The following FAM91A1 variants were observed in gnomAD, a reference collection of about 807,000 sequenced individuals.
FAM91A1 encodes family with sequence similarity 91 member A1, also known as protein FAM91A1.
Under a neutral mutation model 113.5 loss-of-function variants are expected in FAM91A1, and 41 were observed. That is an observed-to-expected ratio of 0.36 (90% CI 0.28 to 0.47). The LOEUF (loss-of-function observed/expected upper bound fraction) is 0.47, where lower values mean the gene tolerates loss of function less well. Ranked by LOEUF, FAM91A1 falls within the 20% of genes least tolerant of loss-of-function variation. FAM91A1 has a pLI of 1.00. For missense variants in FAM91A1, 696 were observed against 1,001.2 expected, an observed-to-expected ratio of 0.70 and a Z score of 4.11; for synonymous variants, 307 against 347.9, an observed-to-expected ratio of 0.88 and a Z score of 1.31.
At chr8:123,785,413 G>C (rs1815227974) in intron 10 of FAM91A1, among the ~76,000 whole-genome samples, 1 of 152,216 alleles carries the variant, frequency 6.6e-6, no homozygotes, top group Non-Finnish European at 1.5e-5. Flanking sequence ...ATTAGGGGTA[G>C]ATGTAGGGAG....
intron 15 of FAM91A1, among the ~76,000 whole-genome samples, chr8:123,790,076 T>C (rs796941049): frequency 5.3e-5 from 8 of 152,298 alleles, no homozygotes; most frequent in African/African-American, 1.9e-4. Context: ...TTTTAGTTAA[T>C]GTAGGAAGCA....
In FAM91A1 at chr8:123,797,672, G is replaced by A. The variant is rs545704275; in HGVS notation, c.1412-418G>A. 2.6e-5 allele frequency among the ~76,000 whole-genome samples: 4 copies of A among 152,200 alleles called. No individual in the cohort carries two copies. The East Asian group carries it at 5.8e-4, about 22-fold the overall frequency. ...CTGTTCGTATTATTGGTAAGGCTTC[G>A]AGTCAGCAGTAGGCTATTAGTAGTT... On this transcript the variant is annotated intron_variant, in intron 15 of 23. Coordinates refer to ENST00000334705, the MANE Select transcript of FAM91A1 (RefSeq NM_144963.4).
chr8:123,788,097 C>A, intron 14 of FAM91A1: 1 of 737,166 alleles, frequency 1.4e-6, no homozygotes, highest in Non-Finnish European at 1.7e-6. Context: ...TCTCTAAGAT[C>A]ACCTCTTAAG....
intron 15 of FAM91A1, among the ~76,000 whole-genome samples, chr8:123,795,321 A>G (rs1384375043): frequency 6.6e-6 from 1 of 151,914 alleles, no homozygotes; most frequent in Admixed American, 6.6e-5. Flanking sequence ...TGTAATCTCC[A>G]ATGTTGGAGG....
At chr8:123,807,480 C>CAAA (rs546080328) in intron 20 of FAM91A1, among the ~76,000 whole-genome samples, 415 of 55,652 alleles carry the variant, frequency 7.5e-3, no homozygotes, top group Middle Eastern at 0.014. Context: ...CCTGTCTCTA[C>CAAA]AAAAAAAAAA....
intron 15 of FAM91A1, among the ~76,000 whole-genome samples, chr8:123,792,138 G>C (rs1451231638): frequency 6.6e-6 from 1 of 151,442 alleles, no homozygotes; most frequent in Admixed American, 6.6e-5. Context: ...TGACACCACT[G>C]CACTCCAGCC....
intron 3 of FAM91A1, among the ~76,000 whole-genome samples, chr8:123,775,869 G>C (rs968661405): frequency 1.3e-5 from 2 of 152,130 alleles, no homozygotes; most frequent in East Asian, 1.9e-4. Context: ...GGAGGCTGAG[G>C]GGGGAGAATC....
intron 23 of FAM91A1, chr8:123,810,558 T>C: frequency 1.6e-6 from 1 of 641,076 alleles, no homozygotes; most frequent in Non-Finnish European, 2.8e-6. Context: ...TTGATCTCTT[T>C]GTTCTGTGCC....
chr8:123,798,239 G>A lies in FAM91A1; in HGVS notation c.1560+1G>A. On this transcript the variant is annotated splice_donor_variant, in intron 16 of 23. Coordinates refer to ENST00000334705, the MANE Select transcript of FAM91A1 (RefSeq NM_144963.4). LOFTEE classifies it high-confidence loss of function. The stretch of plus-strand genomic sequence containing the variant: ...GCCTGTCAGCAGCTGCACCCCTCAG[G>A]TAAAGACCTACTTGGAAGATCCACT... The A allele has an allele frequency of 3.7e-6, 6 of 1,613,402 alleles. No individual in the cohort carries two copies. The highest frequency in any genetic ancestry group is 5.1e-6 in the Non-Finnish European group (6 of 1,179,718).
rs934068564 is a variant in FAM91A1, at chr8:123,778,539, A to T, written c.436-120A>T. ...TATCTAGAATTGTTAAGATTTTAAAACATGAAGATTTTAAGAAGATATTTA... is the reference window on the plus strand; with the variant it reads ...TATCTAGAATTGTTAAGATTTTAAATCATGAAGATTTTAAGAAGATATTTA... On this transcript the variant is annotated intron_variant, in intron 5 of 23. Transcript: ENST00000334705. The T allele has an allele frequency of 6.1e-6, 4 of 659,748 alleles. No homozygotes were observed. In the East Asian group the frequency reaches 1.2e-4, roughly 20 times the overall value. The allele number at this position is 659,748 out of a possible 1,614,324, so 40.9% of individuals were successfully genotyped here.
chr8:123,778,799 G>T (rs1815049908), intron 6 of FAM91A1, 27 bp downstream of exon 6: 4 of 1,341,954 alleles, frequency 3.0e-6, no homozygotes, highest in Admixed American at 5.5e-5. Context: ...GTTAAACATA[G>T]AATTTTTATT....
intron 1 of FAM91A1, among the ~76,000 whole-genome samples, chr8:123,769,233 A>G (rs1391387641): frequency 6.6e-6 from 1 of 152,246 alleles, no homozygotes; most frequent in Non-Finnish European, 1.5e-5. Context: ...TAAGGCAGGC[A>G]CTTAAATTGG....
At chr8:123,772,563 G>A (rs772395328) in intron 1 of FAM91A1, among the ~76,000 whole-genome samples, 3 of 152,166 alleles carry the variant, frequency 2.0e-5, no homozygotes, top group African/African-American at 4.8e-5. Flanking sequence ...TGGTTCTACC[G>A]TGGGTTCTGG....
chr8:123,805,825 T>C (rs1815789416), intron 19 of FAM91A1, among the ~76,000 whole-genome samples: 1 of 152,218 alleles, frequency 6.6e-6, no homozygotes, highest in African/African-American at 2.4e-5. Flanking sequence ...ATATAGAGCA[T>C]TTTTCTCTTT....
At chr8:123,790,144 G>C (rs1456604845) in intron 15 of FAM91A1, among the ~76,000 whole-genome samples, 1 of 152,164 alleles carries the variant, frequency 6.6e-6, no homozygotes. Flanking sequence ...GGAGCCTTCT[G>C]TTCAAATGCT....
rs939331793 is a variant in FAM91A1, at chr8:123,809,648, C to T, written c.2261+632C>T. Among the ~76,000 whole-genome samples, 11 of 152,166 alleles carry T rather than the reference C, an allele frequency of 7.2e-5. No individual in the cohort carries two copies. The East Asian group carries it at 2.1e-3, about 29-fold the overall frequency. On this transcript the variant is annotated intron_variant, in intron 22 of 23. Coordinates refer to ENST00000334705, the MANE Select transcript of FAM91A1 (RefSeq NM_144963.4). ...ATAGGTGGCTTGGAGAGGTGAAATC[C>T]ACAAGTCAAGATCTTCTTATTTTAG... is the stretch of plus-strand genomic sequence containing the variant.
chr8:123,780,427 A>G (rs1815090545), intron 7 of FAM91A1, 53 bp from the exon 8 acceptor site: 7 of 1,379,014 alleles, frequency 5.1e-6, no homozygotes, highest in Admixed American at 2.1e-5. Flanking sequence ...TTTTTTAAAA[A>G]AATCACTGTT....
chr8:123,779,441 C>T (rs1167654028), intron 6 of FAM91A1, among the ~76,000 whole-genome samples: 1 of 152,080 alleles, frequency 6.6e-6, no homozygotes, highest in Non-Finnish European at 1.5e-5. Context: ...AATGAGGGCA[C>T]CTAGAGACCA....
intron 12 of FAM91A1, 76 bp downstream of exon 12, chr8:123,786,686 C>A: frequency 9.1e-7 from 1 of 1,101,774 alleles, no homozygotes; most frequent in Non-Finnish European, 1.4e-6. Flanking sequence ...CTTACAGTTA[C>A]CTTCTAATTT....
Sources: allele counts gnomAD v4.1 joint callset (sites outside exome capture counted in the v4.1 genomes callset), GRCh38; gene constraint gnomAD v4.1.1; transcripts MANE v1.5; gene names NCBI Gene and HGNC (gene_info 2026-07-23, HGNC 2026-07-21).